Variants in CTNNA2 observed in about 807,000 individuals in gnomAD.
The protein encoded by CTNNA2 is catenin alpha 2.
A neutral mutation model predicts 101.0 loss-of-function variants in CTNNA2; 42 were observed. The ratio of observed to expected loss-of-function variants is 0.42; its 90% CI spans 0.32 to 0.54. The LOEUF is 0.54. CTNNA2 is among the 20% of genes least tolerant of loss of function. The pLI is 0.14. For missense variants in CTNNA2, 871 were observed against 1,223.1 expected (o/e 0.71, Z 4.29); for synonymous variants, 450 against 456.4 (o/e 0.99, Z 0.18).
At chr2:79,545,555 A>G (rs568129642) in intron 1 of CTNNA2, among the ~76,000 whole-genome samples, 1 of 152,222 alleles carries the variant, frequency 6.6e-6, no homozygotes, top group Non-Finnish European at 1.5e-5. Context: ...CAAACACTTT[A>G]ACTATAAACA....
intron 7 of CTNNA2, among the ~76,000 whole-genome samples, chr2:80,221,677 G>A (rs1447527436): frequency 2.6e-5 from 4 of 152,158 alleles, no homozygotes; most frequent in Non-Finnish European, 4.4e-5. Context: ...TGGAAGAAGG[G>A]TGGAAATGGA....
chr2:79,562,872 G>GGT lies in CTNNA2; in HGVS notation c.-6+49676_-6+49677dup, dbSNP rs1329190600. The stretch of plus-strand genomic sequence containing the variant: ...AAGCTGAGTGTTGTTGCTAAACTTG[G>GGT]GTGTGTGTGTGTATGTCTGTGTGTG... On this transcript the variant is annotated intron_variant, in intron 1 of 18. Transcript: ENST00000402739. Among the ~76,000 whole-genome samples, 5 of 151,548 alleles carry GGT rather than the reference G, an allele frequency of 3.3e-5. No individual in the cohort carries two copies. In the South Asian group the frequency reaches 8.3e-4, roughly 25 times the overall value.
intron 3 of CTNNA2, among the ~76,000 whole-genome samples, chr2:79,802,551 C>T (rs1270459180): frequency 6.6e-6 from 1 of 152,088 alleles, no homozygotes. Context: ...CCCAGATATG[C>T]GGCTGGATTA....
intron 7 of CTNNA2, among the ~76,000 whole-genome samples, chr2:79,951,511 C>T (rs920983931): frequency 4.6e-5 from 7 of 151,846 alleles, no homozygotes; most frequent in Non-Finnish European, 8.8e-5. Flanking sequence ...ACTAAAAATA[C>T]AAAAATAGCT....
chr2:79,473,085 C>T (rs1671016660), intron 4 of CTNNA2, among the ~76,000 whole-genome samples: 1 of 152,154 alleles, frequency 6.6e-6, no homozygotes. Context: ...TCTTTGCCAA[C>T]ATTCTGTTCA....
intron 1 of CTNNA2, among the ~76,000 whole-genome samples, chr2:79,587,637 C>G (rs1558751784): frequency 1.3e-5 from 2 of 152,148 alleles, no homozygotes; most frequent in Non-Finnish European, 2.9e-5. Context: ...TGCTCTGGTC[C>G]TCATTTTATG....
At chr2:79,635,740 G>T (rs1329051792) in intron 1 of CTNNA2, among the ~76,000 whole-genome samples, 1 of 151,316 alleles carries the variant, frequency 6.6e-6, no homozygotes, top group Non-Finnish European at 1.5e-5. Context: ...CTGACCTCAG[G>T]TGATCTGCCT....
intron 3 of CTNNA2, among the ~76,000 whole-genome samples, chr2:79,317,249 G>C (rs1676518776): frequency 6.6e-6 from 1 of 151,904 alleles, no homozygotes; most frequent in African/African-American, 2.4e-5. Context: ...CGCATTATTG[G>C]GATAAATCCG....
At chr2:80,033,356 C>A (rs1417482451) in intron 7 of CTNNA2, among the ~76,000 whole-genome samples, 1 of 151,926 alleles carries the variant, frequency 6.6e-6, no homozygotes, top group Non-Finnish European at 1.5e-5. Context: ...AGGTGTCTCT[C>A]AAGCCTAGGA....
At chr2:79,426,949 T>C (rs1196898004) in intron 4 of CTNNA2, among the ~76,000 whole-genome samples, 1 of 152,100 alleles carries the variant, frequency 6.6e-6, no homozygotes, top group Admixed American at 6.6e-5. Context: ...TCATATGAAG[T>C]GGTGTAATGT....
At chr2:79,216,992 G>C (rs1674272424) in intron 2 of CTNNA2, among the ~76,000 whole-genome samples, 1 of 152,150 alleles carries the variant, frequency 6.6e-6, no homozygotes, top group Non-Finnish European at 1.5e-5. Context: ...ACTGGTGCCT[G>C]AGTTTTGGGT....
intron 3 of CTNNA2, among the ~76,000 whole-genome samples, chr2:79,320,543 G>T (rs1446615470): frequency 6.6e-6 from 1 of 152,152 alleles, no homozygotes; most frequent in Non-Finnish European, 1.5e-5. Flanking sequence ...GGGCTGAGAA[G>T]AGTCTACCTG....
chr2:80,285,381 A>T (rs1459580753), intron 7 of CTNNA2, among the ~76,000 whole-genome samples: 1 of 152,210 alleles, frequency 6.6e-6, no homozygotes, highest in Admixed American at 6.5e-5. Flanking sequence ...TTCTCACTGG[A>T]TTATTTTAAT....
At chr2:80,345,346 C>G (rs1170563551) in intron 7 of CTNNA2, among the ~76,000 whole-genome samples, 1 of 152,190 alleles carries the variant, frequency 6.6e-6, no homozygotes, top group Non-Finnish European at 1.5e-5. Flanking sequence ...CTGGAAGGCC[C>G]TTGCCCCACT....
chr2:80,131,563 G>C (rs766877694), intron 7 of CTNNA2, among the ~76,000 whole-genome samples: 5 of 152,072 alleles, frequency 3.3e-5, no homozygotes, highest in Admixed American at 6.5e-5. Context: ...CCTAGAATGA[G>C]GATAGAAAAT....
At chr2:79,326,899 A>G (rs906211455) in intron 3 of CTNNA2, among the ~76,000 whole-genome samples, 1 of 152,208 alleles carries the variant, frequency 6.6e-6, no homozygotes, top group South Asian at 2.1e-4. Context: ...GGGGTCTCCT[A>G]ACCACATAGT....
At chr2:79,989,327 A>G (rs1350697525) in intron 7 of CTNNA2, among the ~76,000 whole-genome samples, 1 of 152,170 alleles carries the variant, frequency 6.6e-6, no homozygotes, top group African/African-American at 2.4e-5. Context: ...AAACCACTAC[A>G]AATTGGAGTA....
chr2:79,619,586 G>A (rs756044484), intron 1 of CTNNA2, among the ~76,000 whole-genome samples: 16 of 152,180 alleles, frequency 1.1e-4, no homozygotes, highest in East Asian at 1.9e-4. Flanking sequence ...ATTTTAAAAC[G>A]CCTTTTTTGA....
intron 3 of CTNNA2, among the ~76,000 whole-genome samples, chr2:79,831,000 A>T (rs1205500488): frequency 6.6e-6 from 1 of 152,182 alleles, no homozygotes; most frequent in African/African-American, 2.4e-5. Context: ...AATACATTTA[A>T]TTACAAATAT....
Sources: allele counts gnomAD v4.1 joint callset (sites outside exome capture counted in the v4.1 genomes callset), GRCh38; gene constraint gnomAD v4.1.1; transcripts MANE v1.5; gene names NCBI Gene and HGNC (gene_info 2026-07-23, HGNC 2026-07-21).